RUNX2: variants seen among roughly 807,000 people sequenced by gnomAD.
RUNX2 encodes RUNX family transcription factor 2, also known as runt-related transcription factor 2.
In RUNX2, 10 loss-of-function variants were observed where a neutral mutation model predicts 51.7. That is an observed-to-expected ratio of 0.19 (90% CI 0.12 to 0.33). The LOEUF (loss-of-function observed/expected upper bound fraction) is 0.33, where lower values mean the gene tolerates loss of function less well. Among genes scored for constraint, RUNX2 ranks in the 10% least tolerant of loss-of-function variants. RUNX2 has a pLI of 1.00. For synonymous variants in RUNX2, 276 were observed against 273.6 expected (o/e 1.01, Z -0.09); for missense variants, 562 against 691.3 (o/e 0.81, Z 2.10).
intron 2 of RUNX2, among the ~76,000 whole-genome samples, chr6:45,414,560 G>A (rs1337621383): frequency 3.3e-5 from 5 of 152,054 alleles, no homozygotes; most frequent in Admixed American, 3.3e-4. Context: ...TTGACAATAT[G>A]AAGTCTGTTT....
At chr6:45,473,507 G>A (rs953148160) in intron 5 of RUNX2, among the ~76,000 whole-genome samples, 3 of 152,086 alleles carry the variant, frequency 2.0e-5, no homozygotes, top group Non-Finnish European at 2.9e-5. Flanking sequence ...GAGCGGTGGC[G>A]GCGGTGTTGC....
chr6:45,359,927 T>G (rs1408822184), intron 2 of RUNX2, among the ~76,000 whole-genome samples: 5 of 152,132 alleles, frequency 3.3e-5, no homozygotes, highest in African/African-American at 1.2e-4. Flanking sequence ...CCCCTGTAGT[T>G]CCAGCTACTT....
At position 45,546,941 on chromosome 6, in the gene RUNX2, C is replaced by T; in HGVS notation, c.1202C>T (p.Thr401Ile). ...RMHYPATFTY[T>I]PPVTSGMSLG... ...CACTATCCAGCCACCTTTACTTACA[C>T]CCCGCCAGTCACCTCAGGCATGTCC... The change falls in exon 9 of 9, where the codon ACC becomes ATC. Residue 401 changes from threonine to isoleucine, a missense_variant. Physicochemically the swap from Thr to Ile is moderately conservative, Grantham distance 89 (BLOSUM62 -1). This residue lies in a region of RUNX2 where 304 missense variants were observed against 353.2 expected (regional missense o/e 0.86). Coordinates refer to ENST00000647337, the MANE Select transcript of RUNX2 (RefSeq NM_001024630.4). The T allele has an allele frequency of 6.2e-7, 1 of 1,614,038 alleles. No individual in the cohort carries two copies. Among genetic ancestry groups the T allele is most frequent in the Non-Finnish European group, 8.5e-7 (1 of 1,180,016 alleles).
At chr6:45,438,191 G>T (rs1423473149) in intron 5 of RUNX2, 140 bp downstream of exon 5, 1 of 647,116 alleles carries the variant, frequency 1.5e-6, no homozygotes, top group Non-Finnish European at 2.8e-6. Context: ...TTTTTTTAGT[G>T]AGGGAGAGTT....
At chr6:45,520,942 C>T (rs1258402181) in intron 7 of RUNX2, among the ~76,000 whole-genome samples, 2 of 152,162 alleles carry the variant, frequency 1.3e-5, no homozygotes, top group Non-Finnish European at 2.9e-5. Flanking sequence ...CTGCGAACTC[C>T]TGACCTCAGT....
chr6:45,372,454 T>C (rs559210958), intron 2 of RUNX2, among the ~76,000 whole-genome samples: 5 of 152,294 alleles, frequency 3.3e-5, no homozygotes, highest in Non-Finnish European at 5.9e-5. Context: ...TAAAGACTAA[T>C]ATGAATAAAG....
At chr6:45,433,688 T>G (rs559787289) in intron 4 of RUNX2, among the ~76,000 whole-genome samples, 1 of 152,186 alleles carries the variant, frequency 6.6e-6, no homozygotes, top group Non-Finnish European at 1.5e-5. Context: ...CTCAACATAT[T>G]TATTTAAGAA....
intron 2 of RUNX2, among the ~76,000 whole-genome samples, chr6:45,403,307 C>G (rs1797760240): frequency 6.8e-6 from 1 of 146,308 alleles, no homozygotes; most frequent in South Asian, 2.2e-4. Context: ...GATCTCGGCT[C>G]ACTGCAAACT....
intron 5 of RUNX2, among the ~76,000 whole-genome samples, chr6:45,441,081 G>A (rs920728587): frequency 7.9e-5 from 12 of 152,142 alleles, no homozygotes; most frequent in African/African-American, 2.9e-4. Flanking sequence ...AGGGGGAGTG[G>A]AACAATTTAT....
chr6:45,433,430 T>C (rs921118234), intron 4 of RUNX2, among the ~76,000 whole-genome samples: 1 of 152,150 alleles, frequency 6.6e-6, no homozygotes, highest in East Asian at 1.9e-4. Flanking sequence ...TCAAGAAAAA[T>C]GTGAACATGA....
At chr6:45,448,541 G>T (rs757177364) in intron 5 of RUNX2, among the ~76,000 whole-genome samples, 32 of 152,118 alleles carry the variant, frequency 2.1e-4, no homozygotes, top group Non-Finnish European at 3.8e-4. Flanking sequence ...AGGTGGATGG[G>T]GTGACTCCAG....
At chr6:45,494,822 T>G (rs1345620333) in intron 6 of RUNX2, among the ~76,000 whole-genome samples, 4 of 152,220 alleles carry the variant, frequency 2.6e-5, no homozygotes, top group Admixed American at 2.0e-4. Flanking sequence ...AAGTATGATT[T>G]GGGGCCTATC....
intron 5 of RUNX2, among the ~76,000 whole-genome samples, chr6:45,440,263 C>T (rs1798804191): frequency 6.6e-6 from 1 of 152,190 alleles, no homozygotes; most frequent in Non-Finnish European, 1.5e-5. Flanking sequence ...TTTTTTCCTC[C>T]CTGTTCTTGG....
In RUNX2 at chr6:45,475,875, T is replaced by C. The variant is rs538005072; in HGVS notation, c.686-16066T>C. Among the ~76,000 whole-genome samples the C allele has an allele frequency of 1.2e-4, 19 of 152,316 alleles. No individual in the cohort carries two copies. In the East Asian group the frequency reaches 3.5e-3, roughly 28 times the overall value. ...GGCCTGATCTTGAAATACTAGAAAA[T>C]AAGCCCATTACAAAACGATGATAAT... On this transcript the variant is annotated intron_variant, in intron 5 of 8. Transcript: ENST00000647337.
chr6:45,533,499 C>G (rs1372014915), intron 7 of RUNX2, among the ~76,000 whole-genome samples: 2 of 152,110 alleles, frequency 1.3e-5, no homozygotes, highest in African/African-American at 4.8e-5. Flanking sequence ...GAAACTGATG[C>G]CAAATCAAAC....
At chr6:45,452,175 T>C (rs2150380654) in intron 5 of RUNX2, among the ~76,000 whole-genome samples, 1 of 152,370 alleles carries the variant, frequency 6.6e-6, no homozygotes, top group East Asian at 1.9e-4. Flanking sequence ...TTTTTGTCTG[T>C]TCCTCCCTAT....
intron 2 of RUNX2, among the ~76,000 whole-genome samples, chr6:45,384,122 A>G (rs147079936): frequency 2.6e-5 from 4 of 152,346 alleles, no homozygotes; most frequent in African/African-American, 9.6e-5. Flanking sequence ...TCAACTGAAA[A>G]TAAGTGTCCT....
intron 5 of RUNX2, among the ~76,000 whole-genome samples, chr6:45,488,008 A>G (rs1476838863): frequency 6.6e-6 from 1 of 152,162 alleles, no homozygotes; most frequent in East Asian, 1.9e-4. Flanking sequence ...GGTAAGAAAG[A>G]GTGGGCCCTA....
chr6:45,344,185 A>C (rs1329796453), intron 2 of RUNX2, among the ~76,000 whole-genome samples: 9 of 152,206 alleles, frequency 5.9e-5, no homozygotes, highest in Non-Finnish European at 1.2e-4. Flanking sequence ...AGTAGTATAC[A>C]AAGAGTTAGA....
Sources: allele counts gnomAD v4.1 joint callset (sites outside exome capture counted in the v4.1 genomes callset), GRCh38; gene constraint gnomAD v4.1.1; regional missense constraint gnomAD v4.1.1; transcripts MANE v1.5; gene names NCBI Gene and HGNC (gene_info 2026-07-23, HGNC 2026-07-21).